Variants in KANSL1 observed in about 807,000 individuals in gnomAD.
KANSL1 encodes KAT8 regulatory NSL complex subunit 1.
A neutral mutation model predicts 103.6 loss-of-function variants in KANSL1; 22 were observed. The ratio of observed to expected loss-of-function variants is 0.21; its 90% CI spans 0.15 to 0.30. The LOEUF (loss-of-function observed/expected upper bound fraction) is 0.30. KANSL1 is among the 10% of genes least tolerant of loss of function. The pLI, the probability that KANSL1 is intolerant of heterozygous loss-of-function variation, is 1.00. For missense variants in KANSL1, 1,337 were observed against 1,399.8 expected, an observed-to-expected ratio of 0.96 and a Z score of 0.72; for synonymous variants, 600 against 527.6, an observed-to-expected ratio of 1.14 and a Z score of -1.88.
chr17:46,039,372 G>T, intron 8 of KANSL1, 157 bp from the exon 9 acceptor site: 1 of 672,710 alleles, frequency 1.5e-6, no homozygotes, highest in Non-Finnish European at 2.4e-6. Flanking sequence ...TTGCACAATG[G>T]CTAGGATAGG....
upstream of KANSL1, chr17:46,196,082 C>A (rs2532232): frequency 0.16 from 49,002 of 304,140 alleles, 5,140 homozygotes; most frequent in Middle Eastern, 0.24. Context: ...TCTCTACAAA[C>A]AAAATTTTAA....
intron 4 of KANSL1, among the ~76,000 whole-genome samples, 167 bp downstream of exon 4, chr17:46,082,274 G>A (rs1198961922): frequency 6.6e-6 from 1 of 152,120 alleles, no homozygotes; most frequent in African/African-American, 2.4e-5. Flanking sequence ...ATGGGCCCTA[G>A]ATTCCCTATT....
intron 2 of KANSL1, among the ~76,000 whole-genome samples, chr17:46,164,982 C>T (rs1404152417): frequency 6.6e-6 from 1 of 152,130 alleles, no homozygotes; most frequent in African/African-American, 2.4e-5. Context: ...TGGTGCATGC[C>T]TGTAGTCCCA....
At position 46,031,342 on chromosome 17, in the gene KANSL1, G is replaced by C. The variant is rs1043475663; in HGVS notation, c.*134C>G. 41 of 829,048 alleles carry C rather than the reference G, an allele frequency of 4.9e-5. 1 individual carries two copies. In the African/African-American group the frequency reaches 5.8e-4, roughly 12 times the overall value. 51.4% of individuals were successfully genotyped at this position (829,048 alleles called of 1,614,324 possible). ...TAAAACAAGAAAAAAAAATACCAAA[G>C]TAGGATCTAAATTCCTTAAGTTCAC... On this transcript the variant is annotated 3_prime_UTR_variant, in exon 15 of 15. Transcript: ENST00000432791.
At chr17:46,209,754 A>G (rs2048097302) in intron 1 of KANSL1, among the ~76,000 whole-genome samples, 1 of 152,252 alleles carries the variant, frequency 6.6e-6, no homozygotes. Context: ...TCGGCCTCCC[A>G]AAGTGCTGGG....
chr17:46,134,661 G>A (rs1019021787), intron 2 of KANSL1, among the ~76,000 whole-genome samples: 4 of 151,832 alleles, frequency 2.6e-5, no homozygotes, highest in Admixed American at 6.6e-5. Flanking sequence ...CCAACATGGC[G>A]AAACCCCACC....
At chr17:46,146,995 C>T (rs1420898541) in intron 2 of KANSL1, among the ~76,000 whole-genome samples, 1 of 151,988 alleles carries the variant, frequency 6.6e-6, no homozygotes, top group Admixed American at 6.5e-5. Context: ...ACTGCTTGAG[C>T]CCAGCCTGAG....
At chr17:46,200,038 TAC>T (rs143234563) in intron 1 of KANSL1, among the ~76,000 whole-genome samples, 4,267 of 147,282 alleles carry the variant, frequency 0.029, 65 homozygotes, top group Non-Finnish European at 0.035. Flanking sequence ...TCAATGAGTT[TAC>T]ACACACACAC....
intron 2 of KANSL1, among the ~76,000 whole-genome samples, chr17:46,129,390 C>T (rs2043733644): frequency 6.6e-6 from 1 of 152,214 alleles, no homozygotes; most frequent in African/African-American, 2.4e-5. Context: ...AAAGCACCAC[C>T]TGTCTGAAAA....
intron 1 of KANSL1, among the ~76,000 whole-genome samples, chr17:46,211,604 A>G (rs1273249307): frequency 6.6e-6 from 1 of 152,240 alleles, no homozygotes; most frequent in East Asian, 1.9e-4. Flanking sequence ...TAAATCCAGA[A>G]AGGGAAAGCA....
At chr17:46,135,683 C>T (rs2044102124) in intron 2 of KANSL1, among the ~76,000 whole-genome samples, 1 of 150,082 alleles carries the variant, frequency 6.7e-6, no homozygotes. Context: ...AGGCATGCCC[C>T]ACCATGCCTG....
rs368366491 is a variant in KANSL1 at position 46,210,184 on chromosome 17, A to G, written c.-90+13487T>C. Among the ~76,000 whole-genome samples, 33 of 152,302 alleles carry G rather than the reference A, an allele frequency of 2.2e-4. No homozygotes were observed. In the East Asian group the frequency reaches 5.8e-3, roughly 27 times the overall value. On this transcript the variant is annotated intron_variant, in intron 1 of 14. Transcript: ENST00000572904. ...TCACCCAAATTCTCTGAGAAAATAAATATGTGTGGCTGGGTGACGGTGGCT... is the reference window on the plus strand; with the variant it reads ...TCACCCAAATTCTCTGAGAAAATAAGTATGTGTGGCTGGGTGACGGTGGCT...
At position 46,062,355 on chromosome 17, in the gene KANSL1, C is replaced by CTTTTTTT. The variant is rs34577730; in HGVS notation, c.1848+4175_1848+4181dup. On this transcript the variant is annotated intron_variant, in intron 6 of 14. Coordinates refer to ENST00000432791, the MANE Select transcript of KANSL1 (RefSeq NM_015443.4). The stretch of plus-strand genomic sequence containing the variant: ...AGAAGTACAAGTGATATAACAACAG[C>CTTTTTTT]TTTTTTTTTTTTTTTTTTTTTTTAG... 8.3e-4 allele frequency among the ~76,000 whole-genome samples: 79 copies of CTTTTTTT among 95,468 alleles called. 3 individuals are homozygous for CTTTTTTT. Among genetic ancestry groups the CTTTTTTT allele is most frequent in the South Asian group, 1.5e-3 (4 of 2,732 alleles). 62.6% of individuals were successfully genotyped at this position (95,468 alleles called of 152,430 possible).
intron 2 of KANSL1, among the ~76,000 whole-genome samples, chr17:46,097,769 T>C (rs551024505): frequency 2.6e-5 from 4 of 152,128 alleles, no homozygotes; most frequent in Admixed American, 6.5e-5. Flanking sequence ...CTTATGACTA[T>C]AGGTGAACTT....
intron 4 of KANSL1, among the ~76,000 whole-genome samples, chr17:46,074,099 T>C (rs541913485): frequency 3.3e-5 from 5 of 152,264 alleles, no homozygotes; most frequent in Non-Finnish European, 7.3e-5. Flanking sequence ...TGAGCACAAC[T>C]AGTACTCAGA....
In KANSL1 at chr17:46,096,136, A is replaced by AT. The variant is rs60771086; in HGVS notation, c.1290-1436dup. 8.8e-3 allele frequency among the ~76,000 whole-genome samples: 1,213 copies of AT among 137,404 alleles called. 6 individuals are homozygous for AT. Among genetic ancestry groups the AT allele is most frequent in the Middle Eastern group, 0.035 (9 of 258 alleles). 90.1% of individuals were successfully genotyped at this position (137,404 alleles called of 152,430 possible). On this transcript the variant is annotated intron_variant, in intron 2 of 14. Coordinates refer to ENST00000432791, the MANE Select transcript of KANSL1 (RefSeq NM_015443.4). ...GCATACCCAACCATCATGATACTGTATTTTTTTTTTTTTTTTCCTGAGAGG... is the reference window on the plus strand; with the variant it reads ...GCATACCCAACCATCATGATACTGTATTTTTTTTTTTTTTTTTCCTGAGAGG...
intron 1 of KANSL1, among the ~76,000 whole-genome samples, chr17:46,189,488 A>T (rs1028141055): frequency 6.6e-6 from 1 of 152,230 alleles, no homozygotes; most frequent in African/African-American, 2.4e-5. Context: ...CACAAGCTGA[A>T]AAAACATAAA....
chr17:46,084,826 T>C (rs1314930839), intron 3 of KANSL1, among the ~76,000 whole-genome samples: 1 of 151,970 alleles, frequency 6.6e-6, no homozygotes, highest in African/African-American at 2.4e-5. Context: ...AAAGAACTTC[T>C]GCTTCAAAAT....
chr17:46,066,843 G>T, intron 5 of KANSL1, 111 bp from the exon 6 acceptor site: 1 of 742,884 alleles, frequency 1.3e-6, no homozygotes. Flanking sequence ...ACCTCTATTT[G>T]CTAATGTTCA....
Sources: allele counts gnomAD v4.1 joint callset (sites outside exome capture counted in the v4.1 genomes callset), GRCh38; gene constraint gnomAD v4.1.1; transcripts MANE v1.5; gene names NCBI Gene and HGNC (gene_info 2026-07-23, HGNC 2026-07-21).